KCTD16: variants seen among roughly 807,000 people sequenced by gnomAD.
The protein encoded by KCTD16 is BTB/POZ domain-containing protein KCTD16.
In KCTD16, 13 loss-of-function variants were observed where a neutral mutation model predicts 33.2. That is an observed-to-expected ratio of 0.39 (90% CI 0.25 to 0.62). KCTD16 has a LOEUF of 0.62. KCTD16 is among the 20% of genes least tolerant of loss of function. KCTD16 has a pLI of 0.50. For missense variants in KCTD16, 441 were observed against 525.1 expected (o/e 0.84, Z 1.57); for synonymous variants, 197 against 195.3 (o/e 1.01, Z -0.07).
At chr5:144,269,608 A>C (rs1175728928) in intron 3 of KCTD16, among the ~76,000 whole-genome samples, 1 of 152,108 alleles carries the variant, frequency 6.6e-6, no homozygotes, top group African/African-American at 2.4e-5. Context: ...GAGCCCTGCA[A>C]AGTGAAGTTA....
chr5:144,216,651 C>T (rs1753571412), intron 3 of KCTD16, among the ~76,000 whole-genome samples: 1 of 151,954 alleles, frequency 6.6e-6, no homozygotes. Flanking sequence ...TGAGACCAGC[C>T]TGGCCAACAT....
At chr5:144,421,877 G>A (rs1009490194) in intron 3 of KCTD16, among the ~76,000 whole-genome samples, 3 of 151,986 alleles carry the variant, frequency 2.0e-5, no homozygotes, top group Non-Finnish European at 2.9e-5. Context: ...CAAAACAAGT[G>A]GACAGAAATC....
At chr5:144,252,583 T>G (rs544451132) in intron 3 of KCTD16, among the ~76,000 whole-genome samples, 4 of 152,086 alleles carry the variant, frequency 2.6e-5, no homozygotes, top group Non-Finnish European at 5.9e-5. Flanking sequence ...GGGTGACAAT[T>G]GGCATCTGCA....
intron 3 of KCTD16, among the ~76,000 whole-genome samples, chr5:144,358,508 ACATTCGAGGCCTTTTGT>A (rs1335467610): frequency 6.6e-6 from 1 of 152,186 alleles, no homozygotes; most frequent in Non-Finnish European, 1.5e-5. Context: ...TTCAAAGTTA[ACATTCGAGGCCTTTTGT>A]AAAGGTAAGA....
rs78374768 is a variant in KCTD16, at chr5:144,305,864, C to G, written c.832+98318C>G. Among the ~76,000 whole-genome samples, 450 of 151,972 alleles carry G rather than the reference C, an allele frequency of 3.0e-3. 2 individuals carry two copies. Among genetic ancestry groups the G allele is most frequent in the Middle Eastern group, 6.8e-3 (2 of 294 alleles). On this transcript the variant is annotated intron_variant, in intron 3 of 3. Coordinates refer to ENST00000512467, the MANE Select transcript of KCTD16 (RefSeq NM_020768.4). ...AAATAAAAAATAAGAAGGAGTCCAC[C>G]TATAAGCCAAGGAGAGAGCCCTCAG...
intron 3 of KCTD16, among the ~76,000 whole-genome samples, chr5:144,250,223 A>G (rs1189220671): frequency 2.0e-5 from 3 of 152,132 alleles, no homozygotes; most frequent in Non-Finnish European, 4.4e-5. Flanking sequence ...TACAGTACTC[A>G]TTGCAACGTG....
intron 3 of KCTD16, among the ~76,000 whole-genome samples, chr5:144,424,290 A>G (rs1753274681): frequency 6.6e-6 from 1 of 152,208 alleles, no homozygotes; most frequent in Non-Finnish European, 1.5e-5. Context: ...TTTCCAGTGT[A>G]TATGGTCAGC....
chr5:144,424,968 G>T (rs115032887), intron 3 of KCTD16, among the ~76,000 whole-genome samples: 1 of 152,060 alleles, frequency 6.6e-6, no homozygotes, highest in African/African-American at 2.4e-5. Flanking sequence ...TACATCTATT[G>T]TATTCCAATA....
chr5:144,339,993 G>A (rs898394196), intron 3 of KCTD16, among the ~76,000 whole-genome samples: 1 of 152,064 alleles, frequency 6.6e-6, no homozygotes, highest in Admixed American at 6.6e-5. Flanking sequence ...GACAAGAAGG[G>A]CAACCTCAAA....
chr5:144,235,435 G>C (rs1754224411), intron 3 of KCTD16, among the ~76,000 whole-genome samples: 2 of 152,100 alleles, frequency 1.3e-5, no homozygotes, highest in African/African-American at 4.8e-5. Flanking sequence ...GCTGGAGTCA[G>C]TTTGACTGAG....
At chr5:144,190,286 GCTTT>G in intron 2 of KCTD16, among the ~76,000 whole-genome samples, 1 of 152,272 alleles carries the variant, frequency 6.6e-6, no homozygotes, top group Non-Finnish European at 1.5e-5. Flanking sequence ...AAGAGTGCAG[GCTTT>G]GGAGTCAGAG....
chr5:144,293,854 A>C (rs984628595), intron 3 of KCTD16, among the ~76,000 whole-genome samples: 2 of 152,242 alleles, frequency 1.3e-5, no homozygotes, highest in African/African-American at 4.8e-5. Context: ...TAAACCATGC[A>C]TCCCCTTAAA....
chr5:144,471,495 C>T (rs1339940146), intron 3 of KCTD16, among the ~76,000 whole-genome samples: 1 of 152,124 alleles, frequency 6.6e-6, no homozygotes, highest in Non-Finnish European at 1.5e-5. Context: ...GGTTTAAAAC[C>T]AGATTGTCTC....
At chr5:144,331,054 G>T (rs1162648339) in intron 3 of KCTD16, among the ~76,000 whole-genome samples, 1 of 152,176 alleles carries the variant, frequency 6.6e-6, no homozygotes, top group African/African-American at 2.4e-5. Context: ...CTTTTTCTAA[G>T]CAAAGAAAGA....
intron 3 of KCTD16, among the ~76,000 whole-genome samples, chr5:144,385,567 T>A (rs993704949): frequency 3.3e-5 from 5 of 152,212 alleles, no homozygotes; most frequent in Non-Finnish European, 7.3e-5. Flanking sequence ...TCCATTACTA[T>A]AGGACAATTT....
rs575228530 is a variant in KCTD16, at chr5:144,296,572, A to G, written c.832+89026A>G. On this transcript the variant is annotated intron_variant, in intron 3 of 3. Coordinates refer to ENST00000512467, the MANE Select transcript of KCTD16 (RefSeq NM_020768.4). The stretch of plus-strand genomic sequence containing the variant: ...GTGTCTATGCTATAGGGATCCTTTT[A>G]AAAAATTCAACAATTATTTGGAGAA... Among the ~76,000 whole-genome samples, 6 of 152,336 alleles carry G rather than the reference A, an allele frequency of 3.9e-5. No homozygotes were observed. In the East Asian group the frequency reaches 1.2e-3, roughly 29 times the overall value.
intron 3 of KCTD16, among the ~76,000 whole-genome samples, chr5:144,267,968 A>C (rs1192092885): frequency 6.6e-6 from 1 of 152,202 alleles, no homozygotes; most frequent in Non-Finnish European, 1.5e-5. Flanking sequence ...CCAGGACTCC[A>C]TCGCCCCACC....
chr5:144,190,370 A>G (rs1191782304), intron 2 of KCTD16, among the ~76,000 whole-genome samples: 3 of 152,138 alleles, frequency 2.0e-5, no homozygotes, highest in Non-Finnish European at 4.4e-5. Flanking sequence ...GACTTATCTG[A>G]ACCTTGGCTT....
At position 144,476,583 on chromosome 5, in the gene KCTD16, C is replaced by T. The variant is rs1754599951; in HGVS notation, c.*2469C>T. On this transcript the variant is annotated 3_prime_UTR_variant, in exon 4 of 4. Transcript: ENST00000512467. Reference sequence around the variant, plus strand: ...ATTTTTATTCTGGGCCACCTCTCGACTGGCACTCATCCCATGGTAAAATAT... The same window carrying T: ...ATTTTTATTCTGGGCCACCTCTCGATTGGCACTCATCCCATGGTAAAATAT... 6.6e-6 allele frequency: 1 copy of T among 152,274 alleles called. No individual in the cohort carries two copies. The highest frequency in any genetic ancestry group is 6.5e-5 in the Admixed American group (1 of 15,290). The allele number at this position is 152,274 out of a possible 1,614,324, so 9.4% of individuals were successfully genotyped here. A position where few individuals can be genotyped will look rare whatever the true frequency, so the allele number is the denominator to read the frequency against.
Sources: allele counts gnomAD v4.1 joint callset (sites outside exome capture counted in the v4.1 genomes callset), GRCh38; gene constraint gnomAD v4.1.1; transcripts MANE v1.5; gene names NCBI Gene and HGNC (gene_info 2026-07-23, HGNC 2026-07-21).